Variants in ALPK3 observed in about 807,000 individuals in gnomAD.
ALPK3 encodes the protein alpha kinase 3.
A neutral mutation model predicts 140.0 loss-of-function variants in ALPK3; 102 were observed. The observed-to-expected ratio is 0.73, with a 90% CI of 0.62 to 0.86. The LOEUF (loss-of-function observed/expected upper bound fraction) is 0.86. ALPK3 is among the 40% of genes least tolerant of loss of function. The pLI is 0.00. For synonymous variants in ALPK3, 938 were observed against 898.5 expected (o/e 1.04, Z -0.79); for missense variants, 2,254 against 2,208.2 (o/e 1.02, Z -0.42).
intron 5 of ALPK3, among the ~76,000 whole-genome samples, chr15:84,847,404 T>C (rs1963744987): frequency 6.6e-6 from 1 of 152,092 alleles, no homozygotes; most frequent in African/African-American, 2.4e-5. Flanking sequence ...CTTTCAAAAT[T>C]TGGCAAAAGT....
At chr15:84,837,041 G>A (rs1963603769) in intron 3 of ALPK3, among the ~76,000 whole-genome samples, 1 of 152,156 alleles carries the variant, frequency 6.6e-6, no homozygotes, top group African/African-American at 2.4e-5. Flanking sequence ...AATTGGATTT[G>A]GCAATGTACA....
chr15:84,845,102 T>G (rs888103750), intron 5 of ALPK3, among the ~76,000 whole-genome samples: 8 of 151,500 alleles, frequency 5.3e-5, no homozygotes, highest in African/African-American at 1.9e-4. Flanking sequence ...AGACCAGAAC[T>G]CAAAGTACCA....
In ALPK3 at chr15:84,840,807, G is replaced by A; in HGVS notation, c.1528G>A (p.Ala510Thr). Reference protein sequence around the residue: ...SSLSQAPECGAQSLGKAPPQA... With the variant: ...SSLSQAPECGTQSLGKAPPQA... ...TCTGAGTCAAGCTCCAGAATGCGGG[G>A]CCCAGAGCTTAGGAAAGGCCCCACC... Residue 510 changes from alanine (A) to threonine (T), a missense_variant, in exon 5 of 14, where the codon GCC (alanine) becomes ACC (threonine). By Grantham distance (58) the Ala-to-Thr change is moderately conservative (BLOSUM62 0). Coordinates refer to ENST00000258888, the MANE Select transcript of ALPK3 (RefSeq NM_020778.5). 2 of 1,614,232 alleles carry A rather than the reference G, an allele frequency of 1.2e-6. No individual in the cohort carries two copies. The highest frequency in any genetic ancestry group is 1.7e-6 in the Non-Finnish European group (2 of 1,180,038).
At chr15:84,824,649 G>A (rs775867389) in intron 2 of ALPK3, among the ~76,000 whole-genome samples, 1 of 152,188 alleles carries the variant, frequency 6.6e-6, no homozygotes, top group East Asian at 1.9e-4. Flanking sequence ...TGTGGTAAGC[G>A]TTGACAGGAG....
intron 3 of ALPK3, among the ~76,000 whole-genome samples, chr15:84,829,955 T>C (rs1567087420): frequency 6.6e-6 from 1 of 152,240 alleles, no homozygotes; most frequent in Non-Finnish European, 1.5e-5. Flanking sequence ...TCTAAAACTA[T>C]CCTGCTTCAG....
chr15:84,864,809 T>A, intron 12 of ALPK3, 144 bp downstream of exon 12: 1 of 919,844 alleles, frequency 1.1e-6, no homozygotes, highest in Non-Finnish European at 1.6e-6. Flanking sequence ...TCTTGTAAAG[T>A]AGATTGGACA....
intron 5 of ALPK3, among the ~76,000 whole-genome samples, chr15:84,841,177 AG>A (rs1401838202): frequency 2.0e-5 from 3 of 152,188 alleles, no homozygotes; most frequent in African/African-American, 7.2e-5. Context: ...TTCACAGCCA[AG>A]GGGACTGTGC....
At position 84,871,077 on chromosome 15, in the gene ALPK3, G is replaced by T. The variant is rs1230524688; in HGVS notation, c.*2621G>T. ...ATTCCATTTTGAAATTCTACAACCT[G>T]TAGATTAACTGGTAAAATTAACCAT... is the stretch of plus-strand genomic sequence containing the variant. On this transcript the variant is annotated 3_prime_UTR_variant, in exon 14 of 14. Coordinates refer to ENST00000258888, the MANE Select transcript of ALPK3 (RefSeq NM_020778.5). 6.6e-6 allele frequency: 1 copy of T among 152,588 alleles called. No homozygotes were observed. Among genetic ancestry groups the T allele is most frequent in the African/African-American group, 2.4e-5 (1 of 41,428 alleles). The allele number at this position is 152,588 out of a possible 1,614,324, so 9.5% of individuals were successfully genotyped here.
At chr15:84,867,472 G>T (rs1296370514) in intron 13 of ALPK3, 107 bp downstream of exon 13, 6 of 1,314,596 alleles carry the variant, frequency 4.6e-6, no homozygotes, top group Non-Finnish European at 6.6e-6. Context: ...CTGGGGCCAA[G>T]TGGTCCCAGA....
Position 84,817,478 on chromosome 15 carries a change from G to C in ALPK3, c.26G>C (p.Arg9Pro), listed in dbSNP as rs759651543. MGSRRAPS[R>P]GWGAGGRSGA... ...ATGGGGTCGCGGAGGGCCCCCAGCC[G>C]GGGCTGGGGCGCGGGTGGGCGGTCG... is the stretch of plus-strand genomic sequence containing the variant. Residue 9 changes from arginine to proline, a missense_variant, in exon 1 of 14, where the codon CGG becomes CCG. Arg to Pro is a moderately radical substitution (Grantham distance 103). Coordinates refer to ENST00000258888, the MANE Select transcript of ALPK3 (RefSeq NM_020778.5). The C allele has an allele frequency of 1.1e-5, 15 of 1,392,760 alleles. No homozygotes were observed. The South Asian group carries it at 2.3e-4, about 22-fold the overall frequency. The allele number at this position is 1,392,760 out of a possible 1,614,324, so 86.3% of individuals were successfully genotyped here.
intron 12 of ALPK3, among the ~76,000 whole-genome samples, chr15:84,866,392 C>T (rs189563745): frequency 3.9e-5 from 6 of 152,274 alleles, no homozygotes; most frequent in East Asian, 1.9e-4. Context: ...AGTGACTTGT[C>T]GAGTACCCAC....
chr15:84,844,858 A>G (rs969632705), intron 5 of ALPK3, among the ~76,000 whole-genome samples: 7 of 150,552 alleles, frequency 4.6e-5, no homozygotes, highest in African/African-American at 1.7e-4. Flanking sequence ...CTCCGTCTCA[A>G]AAAAAAAAAG....
intron 5 of ALPK3, among the ~76,000 whole-genome samples, chr15:84,854,569 G>A (rs1163967173): frequency 6.6e-6 from 1 of 152,208 alleles, no homozygotes; most frequent in Non-Finnish European, 1.5e-5. Flanking sequence ...TTACAGGTTT[G>A]AGCCACTGTG....
At chr15:84,841,057 G>A in intron 5 of ALPK3, 125 bp downstream of exon 5, 1 of 1,318,166 alleles carries the variant, frequency 7.6e-7, no homozygotes, top group South Asian at 1.6e-5. Context: ...GGAGGGACTG[G>A]AGTGCCAGCT....
chr15:84,859,092 G>T, intron 6 of ALPK3, 151 bp from the exon 7 acceptor site: 1 of 1,058,286 alleles, frequency 9.4e-7, no homozygotes, highest in Non-Finnish European at 1.3e-6. Flanking sequence ...TGAGATATAG[G>T]CAGGAGGCAC....
At chr15:84,829,876 T>C (rs1434861793) in intron 3 of ALPK3, among the ~76,000 whole-genome samples, 2 of 152,232 alleles carry the variant, frequency 1.3e-5, no homozygotes, top group Non-Finnish European at 2.9e-5. Context: ...TTGTGTTGAC[T>C]GTATAGTCCG....
Position 84,872,004 on chromosome 15 carries a change from G to T in ALPK3, c.*3548G>T, listed in dbSNP as rs1207183973. ...ATTACTGCCCCTCTCAGAGCCACAG[G>T]TGTAGACAGGTGAAAACACTGGACA... On this transcript the variant is annotated 3_prime_UTR_variant, in exon 14 of 14. Transcript: ENST00000258888. The T allele has an allele frequency of 6.6e-6, 1 of 152,338 alleles. No homozygotes were observed. Among genetic ancestry groups the T allele is most frequent in the Non-Finnish European group, 1.5e-5 (1 of 68,102 alleles). The allele number at this position is 152,338 out of a possible 1,614,324, so 9.4% of individuals were successfully genotyped here. A position where few individuals can be genotyped will look rare whatever the true frequency, so the allele number is the denominator to read the frequency against.
At chr15:84,853,009 A>T (rs747557734) in intron 5 of ALPK3, among the ~76,000 whole-genome samples, 1 of 152,212 alleles carries the variant, frequency 6.6e-6, no homozygotes, top group Non-Finnish European at 1.5e-5. Context: ...GGATATTGAG[A>T]TAATGAAGAA....
chr15:84,842,885 T>G (rs1396156461), intron 5 of ALPK3, among the ~76,000 whole-genome samples: 4 of 152,188 alleles, frequency 2.6e-5, no homozygotes, highest in Non-Finnish European at 5.9e-5. Flanking sequence ...CTGCTGCACA[T>G]GCCTGACAGC....
Sources: allele counts gnomAD v4.1 joint callset (sites outside exome capture counted in the v4.1 genomes callset), GRCh38; gene constraint gnomAD v4.1.1; transcripts MANE v1.5; gene names NCBI Gene and HGNC (gene_info 2026-07-23, HGNC 2026-07-21).